MSANTD3: variants seen among roughly 807,000 people sequenced by gnomAD.
MSANTD3 encodes myb/SANT-like DNA-binding domain-containing protein 3.
A neutral mutation model predicts 27.7 loss-of-function variants in MSANTD3; 11 were observed. The observed-to-expected ratio is 0.40, with a 90% CI of 0.25 to 0.66. The LOEUF is 0.66. Among genes scored for constraint, MSANTD3 ranks in the 30% least tolerant of loss-of-function variants. MSANTD3 has a pLI of 0.41. For synonymous variants in MSANTD3, 131 were observed against 127.2 expected (o/e 1.03, Z -0.20); for missense variants, 250 against 336.5 (o/e 0.74, Z 2.01).
At chr9:100,434,875 G>A (rs796903946) in intron 1 of MSANTD3, among the ~76,000 whole-genome samples, 12 of 152,264 alleles carry the variant, frequency 7.9e-5, no homozygotes, top group African/African-American at 2.9e-4. Context: ...CTCTAGAACA[G>A]TGCTGAGCCT....
intron 1 of MSANTD3, among the ~76,000 whole-genome samples, chr9:100,428,484 G>A (rs973854697): frequency 6.6e-6 from 1 of 152,158 alleles, no homozygotes; most frequent in African/African-American, 2.4e-5. Context: ...GGATTCTGAA[G>A]TCCTGGAGGA....
intron 1 of MSANTD3, among the ~76,000 whole-genome samples, chr9:100,432,919 T>A (rs988119554): frequency 2.0e-4 from 31 of 152,330 alleles, no homozygotes; most frequent in African/African-American, 7.5e-4. Context: ...CAGTACTGGA[T>A]AGGACTTTAG....
intron 2 of MSANTD3, 98 bp from the exon 3 acceptor site, chr9:100,450,459 C>T: frequency 9.0e-7 from 1 of 1,115,782 alleles, no homozygotes; most frequent in East Asian, 2.5e-5. Flanking sequence ...TTAGATACAT[C>T]CTGTAATGAA....
chr9:100,442,196 C>T lies in MSANTD3; in HGVS notation c.258C>T (p.Ala86=). The T allele has an allele frequency of 3.7e-6, 6 of 1,614,058 alleles. No homozygotes were observed. The highest frequency in any genetic ancestry group is 4.2e-6 in the Non-Finnish European group (5 of 1,180,036). The change falls in exon 2 of 3, where the codon GCC becomes GCT. Residue 86 remains alanine (A), a synonymous_variant. Transcript: ENST00000395067. The part of the protein sequence containing the change: ...NIKARTKKIM[A]HERREKVKRS... ...AGGCTCGGACCAAAAAAATTATGGC[C>T]CATGAAAGGAGAGAGAAAGTGAAAC... is the stretch of plus-strand genomic sequence containing the variant.
chr9:100,432,125 A>G (rs1344104191), intron 1 of MSANTD3, among the ~76,000 whole-genome samples: 1 of 152,192 alleles, frequency 6.6e-6, no homozygotes, highest in Non-Finnish European at 1.5e-5. Flanking sequence ...GCACACAGTC[A>G]CACTCAGGCG....
At chr9:100,436,682 T>G (rs1836485017) in intron 1 of MSANTD3, among the ~76,000 whole-genome samples, 1 of 152,176 alleles carries the variant, frequency 6.6e-6, no homozygotes, top group African/African-American at 2.4e-5. Flanking sequence ...TTAATAAGCA[T>G]TAATAAGCTT....
intron 1 of MSANTD3, among the ~76,000 whole-genome samples, chr9:100,434,174 C>T (rs1187751249): frequency 6.6e-6 from 1 of 152,184 alleles, no homozygotes; most frequent in African/African-American, 2.4e-5. Flanking sequence ...CCTCTGCTTT[C>T]TGTTGATCCC....
Position 100,450,607 on chromosome 9 carries a change from A to T in MSANTD3, c.469A>T (p.Ile157Leu), listed in dbSNP as rs561876764. 6.2e-7 allele frequency: 1 copy of T among 1,603,036 alleles called. No individual in the cohort carries two copies. Among genetic ancestry groups the T allele is most frequent in the East Asian group, 2.2e-5 (1 of 44,858 alleles). The change falls in exon 3 of 3, where the codon ATA becomes TTA. Residue 157 changes from isoleucine to leucine, a missense_variant. By Grantham distance (5) the Ile-to-Leu change is conservative. Around this residue, in one of 3 missense-constraint regions of MSANTD3, gnomAD observed 235 missense variants for 299.3 expected, o/e 0.79. Coordinates refer to ENST00000395067, the MANE Select transcript of MSANTD3 (RefSeq NM_080655.3). ...RELCDDEKEFIHFPVCEGTSQ... is the reference protein window; with the variant it reads ...RELCDDEKEFLHFPVCEGTSQ... Reference sequence around the variant, plus strand: ...ACTGTGCGATGATGAGAAAGAGTTCATACATTTTCCAGTATGTGAGGGGAC... The same window carrying T: ...ACTGTGCGATGATGAGAAAGAGTTCTTACATTTTCCAGTATGTGAGGGGAC...
In MSANTD3 at chr9:100,450,705, G is replaced by T; in HGVS notation, c.567G>T (p.Gln189His). The T allele has an allele frequency of 6.2e-7, 1 of 1,614,096 alleles. No homozygotes were observed. The highest frequency in any genetic ancestry group is 8.5e-7 in the Non-Finnish European group (1 of 1,180,014). Residue 189 changes from glutamine (Q) to histidine (H), a missense_variant, in exon 3 of 3, where the codon CAG becomes CAT. Physicochemically the swap from Gln to His is conservative, Grantham distance 24. Around this residue, in one of 3 missense-constraint regions of MSANTD3, gnomAD observed 235 missense variants for 299.3 expected, o/e 0.79. Transcript: ENST00000395067. ...ANKNYRSKTSQEGALKKMHEE... is the reference protein window; with the variant it reads ...ANKNYRSKTSHEGALKKMHEE... Reference sequence around the variant, plus strand: ...AAAACTACAGGAGCAAAACCTCTCAGGAAGGTGCTTTAAAAAAGATGCATG... The same window carrying T: ...AAAACTACAGGAGCAAAACCTCTCATGAAGGTGCTTTAAAAAAGATGCATG...
At chr9:100,440,918 C>T (rs1043398186) in intron 1 of MSANTD3, among the ~76,000 whole-genome samples, 3 of 146,440 alleles carry the variant, frequency 2.0e-5, no homozygotes, top group Admixed American at 1.4e-4. Flanking sequence ...AGCCACTGTG[C>T]CCGGCTGTAC....
At chr9:100,449,800 GTC>G (rs748087597) in intron 2 of MSANTD3, among the ~76,000 whole-genome samples, 11 of 152,126 alleles carry the variant, frequency 7.2e-5, no homozygotes, top group Non-Finnish European at 8.8e-5. Flanking sequence ...TAGAGCAAGA[GTC>G]TCTGTAAATC....
At chr9:100,440,777 T>TC (rs1836598379) in intron 1 of MSANTD3, among the ~76,000 whole-genome samples, 1 of 131,648 alleles carries the variant, frequency 7.6e-6, no homozygotes, top group Non-Finnish European at 1.6e-5. Context: ...TTCTTTTTCT[T>TC]CCCTTTTTTT....
Position 100,427,250 on chromosome 9 carries a change from G to GCGCCGCCGCCGC in MSANTD3, c.-166_-155dup, listed in dbSNP as rs1036508721. The GCGCCGCCGCCGC allele has an allele frequency of 4.4e-4, 64 of 145,456 alleles. No individual in the cohort carries two copies. The highest frequency in any genetic ancestry group is 1.3e-3 in the African/African-American group (52 of 40,712). The allele number at this position is 145,456 out of a possible 1,614,324, so 9.0% of individuals were successfully genotyped here. A position where few individuals can be genotyped will look rare whatever the true frequency, so the allele number is the denominator to read the frequency against. ...CGGCGGGGCCTGGCCGGCCGGGGGC[G>GCGCCGCCGCCGC]CGCCGCCGCCGCCGCCGCCGCCCGG... On this transcript the variant is annotated 5_prime_UTR_variant, in exon 1 of 3. Transcript: ENST00000395067.
intron 1 of MSANTD3, among the ~76,000 whole-genome samples, chr9:100,430,988 C>CTTTTTCTT (rs1161633872): frequency 4.0e-5 from 6 of 151,472 alleles, no homozygotes; most frequent in Non-Finnish European, 5.9e-5. Flanking sequence ...CCACTTTATT[C>CTTTTTCTT]TTTTTCTTTT....
intron 2 of MSANTD3, among the ~76,000 whole-genome samples, chr9:100,443,707 G>A (rs1195539069): frequency 6.6e-6 from 1 of 152,186 alleles, no homozygotes. Flanking sequence ...TGGAATTTAG[G>A]GGCTATTGAA....
intron 2 of MSANTD3, among the ~76,000 whole-genome samples, chr9:100,447,870 G>T (rs1447860524): frequency 6.6e-6 from 1 of 152,122 alleles, no homozygotes; most frequent in Non-Finnish European, 1.5e-5. Context: ...CTAAAGCCTG[G>T]AATTGTTGAG....
In MSANTD3 at chr9:100,451,653, A is replaced by ACTACTTTG. The variant is rs1034970871; in HGVS notation, c.*688_*695dup. On this transcript the variant is annotated 3_prime_UTR_variant, in exon 3 of 3. Transcript: ENST00000395067. The stretch of plus-strand genomic sequence containing the variant: ...TAGTTTTGTTGGAGCTAAGGATGTA[A>ACTACTTTG]CTACTTTGAGGAAGAAATGTTCGTT... 78 of 151,708 alleles carry ACTACTTTG rather than the reference A, an allele frequency of 5.1e-4. No homozygotes were observed. The highest frequency in any genetic ancestry group is 1.9e-3 in the African/African-American group (78 of 41,328). The allele number at this position is 151,708 out of a possible 1,614,324, so 9.4% of individuals were successfully genotyped here.
chr9:100,433,138 A>G (rs1371966238), intron 1 of MSANTD3, among the ~76,000 whole-genome samples: 11 of 152,198 alleles, frequency 7.2e-5, no homozygotes, highest in Non-Finnish European at 1.5e-5. Flanking sequence ...GGGGTTGGAA[A>G]GCAAATGATG....
intron 1 of MSANTD3, among the ~76,000 whole-genome samples, chr9:100,434,663 T>TA (rs1194765765): frequency 1.3e-5 from 2 of 152,228 alleles, no homozygotes; most frequent in East Asian, 3.8e-4. Context: ...TCATATCCTA[T>TA]ACATTCTTAA....
Sources: gnomAD v4.1 joint callset for allele counts (sites outside exome capture counted in the v4.1 genomes callset) on GRCh38, gnomAD v4.1.1 for gene constraint, gnomAD v4.1.1 regional missense constraint, MANE v1.5 for transcripts, NCBI Gene and HGNC (gene_info 2026-07-23, HGNC 2026-07-21) for gene names.